ELOA: variants seen among roughly 807,000 people sequenced by gnomAD.
The protein encoded by ELOA is elongin A, also known as elongin-A.
A neutral mutation model predicts 85.2 loss-of-function variants in ELOA; 15 were observed. That is an observed-to-expected ratio of 0.18 (90% CI 0.12 to 0.27). The LOEUF is 0.27. Ranked by LOEUF, ELOA falls within the 10% of genes least tolerant of loss-of-function variation. The probability of loss-of-function intolerance (pLI) is 1.00; values close to 1 mark genes in which losing one functional copy is unlikely to be tolerated. For synonymous variants in ELOA, 348 were observed against 357.2 expected (o/e 0.97, Z 0.29); for missense variants, 769 against 952.7 (o/e 0.81, Z 2.54).
intron 10 of ELOA, among the ~76,000 whole-genome samples, chr1:23,757,782 G>A (rs1030157011): frequency 7.3e-5 from 11 of 150,160 alleles, no homozygotes; most frequent in Non-Finnish European, 2.9e-5. Flanking sequence ...ACAGGCGTGA[G>A]CCACTGTGCC....
rs763779657 is a variant in ELOA, at chr1:23,751,502, G to C, written c.897G>C (p.Lys299Asn). The C allele has an allele frequency of 6.2e-6, 10 of 1,614,128 alleles. No homozygotes were observed. Among genetic ancestry groups the C allele is most frequent in the Non-Finnish European group, 7.6e-6 (9 of 1,180,046 alleles). Residue 299 changes from lysine (K) to asparagine (N), a missense_variant, in exon 4 of 11, where the codon AAG (lysine) becomes AAC (asparagine). Coordinates refer to ENST00000613537, the MANE Select transcript of ELOA (RefSeq NM_003198.3). ...AGAAACCGCCCTCTAGTGGCGTAAA[G>C]AAAGAGAAGGACAGAGAGGGCAGCA... ...AREKPPSSGV[K>N]KEKDREGSSL...
chr1:23,757,740 C>T (rs567056777), intron 10 of ELOA, among the ~76,000 whole-genome samples: 20 of 151,776 alleles, frequency 1.3e-4, no homozygotes, highest in Non-Finnish European at 2.9e-4. Flanking sequence ...ACCTCGCGAT[C>T]TGCCCGCCTT....
In ELOA at chr1:23,760,377, C is replaced by T. The variant is rs1638276540; in HGVS notation, c.*804C>T. 6.6e-6 allele frequency: 1 copy of T among 151,924 alleles called. No individual in the cohort carries two copies. The highest frequency in any genetic ancestry group is 1.9e-4 in the East Asian group (1 of 5,196). The allele number at this position is 151,924 out of a possible 1,614,324, so 9.4% of individuals were successfully genotyped here. On this transcript the variant is annotated 3_prime_UTR_variant, in exon 11 of 11. Coordinates refer to ENST00000613537, the MANE Select transcript of ELOA (RefSeq NM_003198.3). ...AGATTGATTTGCACAGAACTCCCCA[C>T]CTCCCACTTTTACAATTTCCAGTTT...
chr1:23,749,873 T>G lies in ELOA; in HGVS notation c.164T>G (p.Leu55Trp). The change falls in exon 3 of 11, where the codon TTG becomes TGG. Residue 55 changes from leucine to tryptophan, a missense_variant. Leu to Trp is a moderately conservative substitution (Grantham distance 61, BLOSUM62 -2). Transcript: ENST00000613537. Reference sequence around the variant, plus strand: ...GGGGTTGGGAAAACAGTAAATAGCTTGCGAAAACACGAGCATGTTGGAAGC... The same window carrying G: ...GGGGTTGGGAAAACAGTAAATAGCTGGCGAAAACACGAGCATGTTGGAAGC... ...ETGVGKTVNSLRKHEHVGSFA... is the reference protein window; with the variant it reads ...ETGVGKTVNSWRKHEHVGSFA... 1 of 1,613,958 alleles carries G rather than the reference T, an allele frequency of 6.2e-7. No individual in the cohort carries two copies. The highest frequency in any genetic ancestry group is 8.5e-7 in the Non-Finnish European group (1 of 1,179,898).
intron 10 of ELOA, among the ~76,000 whole-genome samples, chr1:23,758,219 T>G (rs1403154637): frequency 6.7e-6 from 1 of 149,730 alleles, no homozygotes; most frequent in Non-Finnish European, 1.5e-5. Flanking sequence ...TCCAAATATT[T>G]ATTCTTTATA....
chr1:23,749,409 G>A (rs1287566700), intron 2 of ELOA, among the ~76,000 whole-genome samples: 9 of 152,338 alleles, frequency 5.9e-5, no homozygotes, highest in African/African-American at 2.2e-4. Context: ...TTTAGTTAAA[G>A]TGGTGAATAT....
intron 5 of ELOA, among the ~76,000 whole-genome samples, chr1:23,753,398 A>G (rs957753011): frequency 2.6e-5 from 4 of 152,218 alleles, no homozygotes; most frequent in African/African-American, 9.6e-5. Context: ...CTCTGGGTTT[A>G]TCACATAGTA....
Position 23,752,462 on chromosome 1 carries a change from A to G in ELOA, c.1481A>G (p.Asn494Ser), listed in dbSNP as rs368805803. ...CTCCCGTTACCCGCGATACAGGCCAATTACCGTCCACTGCCTTCCCTCGAG... is the reference window on the plus strand; with the variant it reads ...CTCCCGTTACCCGCGATACAGGCCAGTTACCGTCCACTGCCTTCCCTCGAG... The part of the protein sequence containing the change: ...PDLPLPAIQA[N>S]YRPLPSLELI... The change falls in exon 5 of 11, where the codon AAT becomes AGT. Residue 494 changes from asparagine to serine, a missense_variant. Coordinates refer to ENST00000613537, the MANE Select transcript of ELOA (RefSeq NM_003198.3). 2.3e-5 allele frequency: 37 copies of G among 1,614,034 alleles called. No homozygotes were observed. In the African/African-American group the frequency reaches 2.5e-4, roughly 11 times the overall value.
At chr1:23,752,108 G>A in intron 4 of ELOA, 78 bp downstream of exon 4, 3 of 1,398,166 alleles carry the variant, frequency 2.1e-6, no homozygotes, top group Non-Finnish European at 2.9e-6. Flanking sequence ...CCCTGCCACT[G>A]TTTTCCTTAG....
intron 1 of ELOA, among the ~76,000 whole-genome samples, chr1:23,747,505 G>C (rs912635608): frequency 2.6e-5 from 4 of 152,176 alleles, no homozygotes; most frequent in Non-Finnish European, 1.5e-5. Context: ...GATGGTATGT[G>C]AATATTCCCA....
In ELOA at chr1:23,756,398, T is replaced by C; in HGVS notation, c.2084+13T>C. 6.4e-7 allele frequency: 1 copy of C among 1,552,794 alleles called. No individual in the cohort carries two copies. Among genetic ancestry groups the C allele is most frequent in the South Asian group, 1.2e-5 (1 of 84,204 alleles). Reference sequence around the variant, plus strand: ...CTGAGAAAATCAAGTAAGATCTGTGTTCTTACCTGGCTTTTGTGTGCTATC... The same window carrying C: ...CTGAGAAAATCAAGTAAGATCTGTGCTCTTACCTGGCTTTTGTGTGCTATC... On this transcript the variant is annotated intron_variant, in intron 9 of 10. Coordinates refer to ENST00000613537, the MANE Select transcript of ELOA (RefSeq NM_003198.3).
At chr1:23,748,700 T>A (rs1375365078) in intron 1 of ELOA, among the ~76,000 whole-genome samples, 1 of 152,176 alleles carries the variant, frequency 6.6e-6, no homozygotes, top group South Asian at 2.1e-4. Context: ...AAATGATAGT[T>A]GTTGATGGCT....
chr1:23,759,906 AT>A lies in ELOA; in HGVS notation c.*334del, dbSNP rs1187454068. 7.6e-6 allele frequency: 2 copies of A among 262,368 alleles called. No homozygotes were observed. The highest frequency in any genetic ancestry group is 1.5e-5 in the Non-Finnish European group (2 of 135,882). 16.3% of individuals were successfully genotyped at this position (262,368 alleles called of 1,614,324 possible). On this transcript the variant is annotated 3_prime_UTR_variant, in exon 11 of 11. Coordinates refer to ENST00000613537, the MANE Select transcript of ELOA (RefSeq NM_003198.3). ...ATTGCCCCCAGATTGTATTTATATT[AT>A]CCCCCAGGTTTGTTTTTGTTTTTTG...
chr1:23,748,666 T>C (rs960624128), intron 1 of ELOA, among the ~76,000 whole-genome samples: 4 of 152,224 alleles, frequency 2.6e-5, no homozygotes, highest in African/African-American at 9.6e-5. Flanking sequence ...ACCTTTCTCA[T>C]AAATTCTATC....
chr1:23,756,834 G>T, intron 9 of ELOA, 119 bp from the exon 10 acceptor site: 1 of 973,502 alleles, frequency 1.0e-6, no homozygotes, highest in East Asian at 2.8e-5. Context: ...GGGTGATAGG[G>T]TCCATTGGTC....
Position 23,760,035 on chromosome 1 carries a change from C to G in ELOA, c.*462C>G, listed in dbSNP as rs1638268137. On this transcript the variant is annotated 3_prime_UTR_variant, in exon 11 of 11. Transcript: ENST00000613537. The stretch of plus-strand genomic sequence containing the variant: ...CTGCCCCAGCTCAGCTCTGTGTGGA[C>G]TCTGGTCCAGACAGAGGACTGGGCA... 5.5e-6 allele frequency: 1 copy of G among 182,696 alleles called. No individual in the cohort carries two copies. The highest frequency in any genetic ancestry group is 1.1e-5 in the Non-Finnish European group (1 of 87,194). The allele number at this position is 182,696 out of a possible 1,614,324, so 11.3% of individuals were successfully genotyped here.
Position 23,743,524 on chromosome 1 carries a change from C to G in ELOA, c.21C>G (p.Leu7=). The G allele has an allele frequency of 2.7e-6, 4 of 1,502,934 alleles. No individual in the cohort carries two copies. Among genetic ancestry groups the G allele is most frequent in the Non-Finnish European group, 3.5e-6 (4 of 1,131,192 alleles). The allele number at this position is 1,502,934 out of a possible 1,614,324, so 93.1% of individuals were successfully genotyped here. A position where few individuals can be genotyped will look rare whatever the true frequency, so the allele number is the denominator to read the frequency against. The stretch of plus-strand genomic sequence containing the variant: ...CAGCGATGGCGGCGGAGTCGGCGCT[C>G]CAAGTTGTGGAGAAGCTGCAGGCGC... MAAESA[L]QVVEKLQARL... is the part of the protein sequence containing the mutation. The change falls in exon 1 of 11, where the codon CTC becomes CTG. Residue 7 remains leucine, a synonymous_variant. Coordinates refer to ENST00000613537, the MANE Select transcript of ELOA (RefSeq NM_003198.3).
chr1:23,758,520 G>A lies in ELOA; in HGVS notation c.2258-992G>A, dbSNP rs556548177. Among the ~76,000 whole-genome samples, 7 of 149,192 alleles carry A rather than the reference G, an allele frequency of 4.7e-5. No individual in the cohort carries two copies. In the South Asian group the frequency reaches 1.5e-3, roughly 32 times the overall value. On this transcript the variant is annotated intron_variant, in intron 10 of 10. Transcript: ENST00000613537. The stretch of plus-strand genomic sequence containing the variant: ...GAACCCCTGACCTTGTGATTCGCCC[G>A]CCTCAGCCTCCCAAAGTCCTGGGAT...
chr1:23,758,251 ATTTATTTATTTTTTTTT>A lies in ELOA; in HGVS notation c.2257+1130_2257+1146del, dbSNP rs1430669293. 3.2e-3 allele frequency among the ~76,000 whole-genome samples: 156 copies of A among 48,558 alleles called. 8 individuals are homozygous for A. The highest frequency in any genetic ancestry group is 0.014 in the East Asian group (23 of 1,600). The allele number at this position is 48,558 out of a possible 152,430, so 31.9% of individuals were successfully genotyped here. A position where few individuals can be genotyped will look rare whatever the true frequency, so the allele number is the denominator to read the frequency against. On this transcript the variant is annotated intron_variant, in intron 10 of 10. Coordinates refer to ENST00000613537, the MANE Select transcript of ELOA (RefSeq NM_003198.3). ...TATATCTAATTGGGTCTTCCAATTTATTTATTTATTTTTTTTTTTTTTTTTTTTTTTTTTTTTTTGGA... is the reference window on the plus strand; with the variant it reads ...TATATCTAATTGGGTCTTCCAATTTATTTTTTTTTTTTTTTTTTTTTTGGA...
Sources: allele counts gnomAD v4.1 joint callset (sites outside exome capture counted in the v4.1 genomes callset), GRCh38; gene constraint gnomAD v4.1.1; transcripts MANE v1.5; gene names NCBI Gene and HGNC (gene_info 2026-07-23, HGNC 2026-07-21).